ATXN2: variants seen among roughly 807,000 people sequenced by gnomAD.
The protein encoded by ATXN2 is ataxin 2.
Under a neutral mutation model 138.6 loss-of-function variants are expected in ATXN2, and 37 were observed. The ratio of observed to expected loss-of-function variants is 0.27; its 90% CI spans 0.21 to 0.35. The LOEUF (loss-of-function observed/expected upper bound fraction) is 0.35, where lower values mean the gene tolerates loss of function less well. ATXN2 is among the 10% of genes least tolerant of loss of function. ATXN2 has a pLI of 1.00. For synonymous variants in ATXN2, 549 were observed against 543.7 expected, an observed-to-expected ratio of 1.01 and a Z score of -0.13; for missense variants, 1,216 against 1,480.3, an observed-to-expected ratio of 0.82 and a Z score of 2.93.
chr12:111,591,446 G>C (rs992660837), intron 1 of ATXN2, among the ~76,000 whole-genome samples: 1 of 151,968 alleles, frequency 6.6e-6, no homozygotes, highest in Admixed American at 6.6e-5. Context: ...GAGGCAGGAG[G>C]ATCACTTGAG....
intron 5 of ATXN2, among the ~76,000 whole-genome samples, chr12:111,551,795 T>G (rs961338299): frequency 6.6e-6 from 1 of 152,238 alleles, no homozygotes; most frequent in Non-Finnish European, 1.5e-5. Flanking sequence ...AAGTTCTAAT[T>G]GTTTTCCAAC....
chr12:111,503,995 A>G (rs180855184), intron 14 of ATXN2, among the ~76,000 whole-genome samples: 57 of 152,350 alleles, frequency 3.7e-4, no homozygotes, highest in Admixed American at 1.7e-3. Context: ...TCAGGCACCT[A>G]AAAGTAGTAA....
chr12:111,489,390 G>A (rs1036134628), intron 14 of ATXN2, among the ~76,000 whole-genome samples: 4 of 151,934 alleles, frequency 2.6e-5, no homozygotes, highest in Admixed American at 6.6e-5. Flanking sequence ...CAAGGCAGGC[G>A]GATCACGAGG....
At chr12:111,577,993 C>T (rs1292691035) in intron 1 of ATXN2, among the ~76,000 whole-genome samples, 4 of 144,114 alleles carry the variant, frequency 2.8e-5, no homozygotes, top group Admixed American at 7.3e-5. Flanking sequence ...GTCAGGAGTT[C>T]GAGACCAGCC....
At chr12:111,503,650 T>C (rs964597194) in intron 14 of ATXN2, among the ~76,000 whole-genome samples, 7 of 151,902 alleles carry the variant, frequency 4.6e-5, no homozygotes, top group Admixed American at 4.6e-4. Context: ...CGCCCACTGA[T>C]GCAATCTCGG....
At chr12:111,497,046 C>T (rs563404659) in intron 14 of ATXN2, among the ~76,000 whole-genome samples, 4 of 151,956 alleles carry the variant, frequency 2.6e-5, no homozygotes, top group East Asian at 1.9e-4. Context: ...TTGTTACCAC[C>T]GAAATTCAAA....
At chr12:111,463,003 T>C (rs184590119) in intron 21 of ATXN2, among the ~76,000 whole-genome samples, 368 of 130,336 alleles carry the variant, frequency 2.8e-3, no homozygotes, top group African/African-American at 0.011. Context: ...CACACACACA[T>C]ATATGTATGT....
At chr12:111,480,024 CAAAAAAA>C (rs1049842391) in intron 18 of ATXN2, among the ~76,000 whole-genome samples, 1 of 96,508 alleles carries the variant, frequency 1.0e-5, no homozygotes, top group Non-Finnish European at 2.3e-5. Flanking sequence ...AAAACCTAAT[CAAAAAAA>C]AAAAAAGAAA....
chr12:111,522,854 C>T (rs1880257137), intron 6 of ATXN2, among the ~76,000 whole-genome samples: 2 of 151,976 alleles, frequency 1.3e-5, no homozygotes, highest in African/African-American at 4.8e-5. Flanking sequence ...GCAGAGGTTT[C>T]AGTGAGCCAA....
rs2135864163 is a variant in ATXN2, at chr12:111,599,107, G to A, written c.-73C>T. 1.6e-6 allele frequency: 2 copies of A among 1,289,542 alleles called. No homozygotes were observed. The highest frequency in any genetic ancestry group is 3.2e-5 in the East Asian group (1 of 31,188). 79.9% of individuals were successfully genotyped at this position (1,289,542 alleles called of 1,614,324 possible). The stretch of plus-strand genomic sequence containing the variant: ...GAGCCGGGCGCGCCAAGGAGACGCC[G>A]GAACGCGGCGGGGACGCGCGGGCGC... On this transcript the variant is annotated 5_prime_UTR_variant, in exon 1 of 25. Transcript: ENST00000673436.
At position 111,488,476 on chromosome 12, in the gene ATXN2, T is replaced by C. The variant is rs746179240; in HGVS notation, c.2240A>G (p.Glu747Gly). The C allele has an allele frequency of 8.7e-6, 14 of 1,604,234 alleles. No homozygotes were observed. The highest frequency in any genetic ancestry group is 1.2e-5 in the Non-Finnish European group (14 of 1,174,714). ...DDKEEKKDAA[E>G]QVRKSTLNPN... ...TGGTCTAAGTTCCAGGTTTACTCACTCAGCTGCGTCTTTCTTCTCTTCCTT... is the reference window on the plus strand; with the variant it reads ...TGGTCTAAGTTCCAGGTTTACTCACCCAGCTGCGTCTTTCTTCTCTTCCTT... Residue 747 changes from glutamate to glycine, a missense_variant and splice_region_variant, in exon 15 of 25, where the codon GAG becomes GGG. Glu to Gly is a moderately conservative substitution (Grantham distance 98, BLOSUM62 -2). This residue lies in a region of ATXN2 where 490 missense variants were observed against 653.5 expected (regional missense o/e 0.75). Coordinates refer to ENST00000673436, the MANE Select transcript of ATXN2 (RefSeq NM_001372574.1).
chr12:111,503,410 G>C (rs1469282459), intron 14 of ATXN2, among the ~76,000 whole-genome samples: 2 of 152,148 alleles, frequency 1.3e-5, no homozygotes, highest in Non-Finnish European at 2.9e-5. Flanking sequence ...GATACAAACA[G>C]AACTTGCTTG....
chr12:111,484,969 C>T (rs913070081), intron 18 of ATXN2: 10 of 254,592 alleles, frequency 3.9e-5, no homozygotes, highest in Non-Finnish European at 3.8e-5. Context: ...CTCAAGCAAT[C>T]CTCCTGCCTT....
At chr12:111,570,567 G>A (rs1363248414) in intron 1 of ATXN2, among the ~76,000 whole-genome samples, 1 of 152,092 alleles carries the variant, frequency 6.6e-6, no homozygotes, top group Non-Finnish European at 1.5e-5. Context: ...CATACACCAT[G>A]TGTATAGCAA....
chr12:111,489,843 A>G (rs1310093452), intron 14 of ATXN2, among the ~76,000 whole-genome samples: 1 of 152,150 alleles, frequency 6.6e-6, no homozygotes, highest in Non-Finnish European at 1.5e-5. Context: ...GGTGAGACAC[A>G]CATGTACAAG....
chr12:111,526,974 C>A (rs772319101), intron 5 of ATXN2, among the ~76,000 whole-genome samples: 1 of 152,176 alleles, frequency 6.6e-6, no homozygotes, highest in Non-Finnish European at 1.5e-5. Flanking sequence ...AGCAGGCATA[C>A]CTGGACTTCC....
intron 5 of ATXN2, among the ~76,000 whole-genome samples, chr12:111,549,460 C>G (rs976143315): frequency 2.6e-5 from 4 of 151,336 alleles, no homozygotes; most frequent in African/African-American, 9.7e-5. Context: ...CGCTTAAACC[C>G]AGGAGGCAGA....
intron 18 of ATXN2, chr12:111,479,208 G>T: frequency 3.2e-6 from 1 of 310,828 alleles, no homozygotes; most frequent in Non-Finnish European, 5.8e-6. Context: ...ACTAGTAATG[G>T]GTAAATTAAC....
chr12:111,521,101 G>T, intron 6 of ATXN2, 128 bp from the exon 7 acceptor site: 1 of 620,378 alleles, frequency 1.6e-6, no homozygotes, highest in East Asian at 3.3e-5. Context: ...TTAGAAAATA[G>T]GAAAAAATTT....
Sources: gnomAD v4.1 joint callset for allele counts (sites outside exome capture counted in the v4.1 genomes callset) on GRCh38, gnomAD v4.1.1 for gene constraint, gnomAD v4.1.1 regional missense constraint, MANE v1.5 for transcripts, NCBI Gene and HGNC (gene_info 2026-07-23, HGNC 2026-07-21) for gene names.